The following SHISAL1 variants were observed in gnomAD, a reference collection of about 807,000 sequenced individuals.
The protein encoded by SHISAL1 is shisa like 1.
In SHISAL1, 9 loss-of-function variants were observed where a neutral mutation model predicts 22.6. The observed-to-expected ratio is 0.40, with a 90% CI of 0.24 to 0.70. SHISAL1 has a LOEUF of 0.70. Ranked by LOEUF, SHISAL1 falls within the 30% of genes least tolerant of loss-of-function variation. The probability of loss-of-function intolerance (pLI) is 0.39; values close to 1 mark genes in which losing one functional copy is unlikely to be tolerated. For synonymous variants in SHISAL1, 119 were observed against 115.4 expected, an observed-to-expected ratio of 1.03 and a Z score of -0.20; for missense variants, 246 against 270.6, an observed-to-expected ratio of 0.91 and a Z score of 0.64.
intron 4 of SHISAL1, among the ~76,000 whole-genome samples, chr22:44,261,327 C>G (rs1359437726): frequency 6.6e-6 from 1 of 151,854 alleles, no homozygotes; most frequent in Admixed American, 6.6e-5. Context: ...ATACCCTCCC[C>G]TATCTCCACC....
At chr22:44,277,689 A>G (rs1569215265) in intron 4 of SHISAL1, among the ~76,000 whole-genome samples, 1 of 152,196 alleles carries the variant, frequency 6.6e-6, no homozygotes, top group Non-Finnish European at 1.5e-5. Flanking sequence ...CACAGAGGCT[A>G]AAAGAGAACC....
chr22:44,244,217 T>G lies in SHISAL1; in HGVS notation c.*5468A>C, dbSNP rs1438914626. ...GTGGCCAGGGTGGCCATATCATCTA[T>G]AGTTTTAGATCCTGTGCTCAGGGTT... is the stretch of plus-strand genomic sequence containing the variant. On this transcript the variant is annotated 3_prime_UTR_variant, in exon 5 of 5. Transcript: ENST00000381176. The G allele has an allele frequency of 6.6e-6, 1 of 152,228 alleles. No homozygotes were observed. Among genetic ancestry groups the G allele is most frequent in the African/African-American group, 2.4e-5 (1 of 41,454 alleles). 9.4% of individuals were successfully genotyped at this position (152,228 alleles called of 1,614,324 possible).
intron 4 of SHISAL1, among the ~76,000 whole-genome samples, chr22:44,258,196 C>T (rs76129797): frequency 0.061 from 9,332 of 152,150 alleles, 350 homozygotes; most frequent in East Asian, 0.093. Context: ...GTCCCAGCTA[C>T]TTGGGAGGCT....
intron 4 of SHISAL1, among the ~76,000 whole-genome samples, chr22:44,283,596 C>G (rs2055291226): frequency 6.6e-6 from 1 of 152,216 alleles, no homozygotes; most frequent in Admixed American, 6.5e-5. Context: ...GAAAACAGCA[C>G]CCAGGTGCTG....
intron 4 of SHISAL1, among the ~76,000 whole-genome samples, chr22:44,271,290 A>ACCCAGCTAT (rs895736734): frequency 3.0e-4 from 45 of 152,234 alleles, no homozygotes; most frequent in African/African-American, 1.1e-3. Context: ...CACCTGCAGC[A>ACCCAGCTAT]CCCAGCTATT....
intron 2 of SHISAL1, 73 bp from the exon 3 acceptor site, chr22:44,296,958 C>G (rs1277247487): frequency 2.5e-6 from 3 of 1,202,248 alleles, no homozygotes; most frequent in African/African-American, 3.0e-5. Flanking sequence ...GGGGGACTGG[C>G]CGGCCTCTTC....
At chr22:44,317,824 G>C (rs182956295), upstream of SHISAL1, among the ~76,000 whole-genome samples, 2 of 152,244 alleles carry the variant, frequency 1.3e-5, no homozygotes, top group South Asian at 4.1e-4. Context: ...TCCACTTTCT[G>C]TTGAATCCTT....
chr22:44,257,071 C>T (rs945410407), intron 4 of SHISAL1, among the ~76,000 whole-genome samples: 1 of 152,192 alleles, frequency 6.6e-6, no homozygotes, highest in African/African-American at 2.4e-5. Flanking sequence ...AAAGGCTGAG[C>T]GCCCGACGCG....
chr22:44,274,057 C>G (rs1224436965), intron 4 of SHISAL1, among the ~76,000 whole-genome samples: 1 of 148,094 alleles, frequency 6.8e-6, no homozygotes, highest in Non-Finnish European at 1.5e-5. Context: ...CGGCCCCCCC[C>G]TCCCCCCCAC....
upstream of SHISAL1, among the ~76,000 whole-genome samples, chr22:44,316,202 G>A (rs1022983411): frequency 6.6e-6 from 1 of 152,202 alleles, no homozygotes; most frequent in Non-Finnish European, 1.5e-5. Context: ...CCTGGGGAGA[G>A]GGACCTGGGT....
chr22:44,281,904 G>A (rs1485859068), intron 4 of SHISAL1, among the ~76,000 whole-genome samples: 2 of 152,292 alleles, frequency 1.3e-5, no homozygotes, highest in African/African-American at 4.8e-5. Flanking sequence ...TAAATCCCAC[G>A]GGCGGGGGAC....
the SHISAL1 span, among the ~76,000 whole-genome samples, chr22:44,318,642 T>G: frequency 2.0e-5 from 3 of 152,310 alleles, no homozygotes; most frequent in Middle Eastern, 3.4e-3. Flanking sequence ...AATGAGATGA[T>G]GTATGTGAAA....
intron 4 of SHISAL1, among the ~76,000 whole-genome samples, chr22:44,266,417 G>GA (rs2055161612): frequency 7.7e-6 from 1 of 129,922 alleles, no homozygotes; most frequent in African/African-American, 4.4e-5. Context: ...GTTGTTTGTT[G>GA]GGGGGCTGTG....
chr22:44,326,337 C>T, the SHISAL1 span, among the ~76,000 whole-genome samples: 2 of 152,140 alleles, frequency 1.3e-5, no homozygotes, highest in African/African-American at 4.8e-5. Context: ...GAATCTGGCA[C>T]GGGAGACAAA....
the SHISAL1 span, among the ~76,000 whole-genome samples, chr22:44,329,072 C>T: frequency 6.6e-6 from 1 of 152,226 alleles, no homozygotes; most frequent in African/African-American, 2.4e-5. Flanking sequence ...TGCACTTCCC[C>T]ACCCCCAGGA....
chr22:44,308,415 C>T (rs1435893066), intron 1 of SHISAL1, among the ~76,000 whole-genome samples: 3 of 152,240 alleles, frequency 2.0e-5, no homozygotes, highest in African/African-American at 7.2e-5. Context: ...CCATCTTGCC[C>T]TCCCTGTTCC....
intron 4 of SHISAL1, among the ~76,000 whole-genome samples, chr22:44,267,681 G>A (rs78532473): frequency 0.026 from 3,930 of 152,222 alleles, 259 homozygotes; most frequent in East Asian, 0.15. Context: ...CCCCTCCTGC[G>A]CTTCCTTCCT....
At chr22:44,308,062 G>C (rs1213065514) in intron 1 of SHISAL1, among the ~76,000 whole-genome samples, 1 of 152,182 alleles carries the variant, frequency 6.6e-6, no homozygotes, top group Non-Finnish European at 1.5e-5. Flanking sequence ...AGCAGGGCTT[G>C]GGGGTCGAGC....
At chr22:44,293,407 C>T (rs754623855) in intron 3 of SHISAL1, among the ~76,000 whole-genome samples, 1 of 152,162 alleles carries the variant, frequency 6.6e-6, no homozygotes, top group Non-Finnish European at 1.5e-5. Flanking sequence ...TGCTGGTTGT[C>T]ACCGGGGTGG....
Sources: allele counts gnomAD v4.1 joint callset (sites outside exome capture counted in the v4.1 genomes callset), GRCh38; gene constraint gnomAD v4.1.1; transcripts MANE v1.5; gene names NCBI Gene and HGNC (gene_info 2026-07-23, HGNC 2026-07-21).